IFT27: variants seen among roughly 807,000 people sequenced by gnomAD.
The protein encoded by IFT27 is intraflagellar transport protein 27 homolog.
Under a neutral mutation model 23.9 loss-of-function variants are expected in IFT27, and 19 were observed. That is an observed-to-expected ratio of 0.79 (90% CI 0.55 to 1.16). The LOEUF (loss-of-function observed/expected upper bound fraction) is 1.16. Among genes scored for constraint, IFT27 ranks in the 50% most tolerant of loss-of-function variants. The pLI is 0.00. For synonymous variants in IFT27, 91 were observed against 89.1 expected (o/e 1.02, Z -0.12); for missense variants, 206 against 228.7 (o/e 0.90, Z 0.64).
intron 1 of IFT27, chr22:36,772,400 A>G (rs4821522): frequency 0.79 from 500,802 of 635,796 alleles, 198,145 homozygotes; most frequent in East Asian, 0.92. Flanking sequence ...CACCTACCCC[A>G]CAGAATTGTT....
rs539071707 is a variant in IFT27, at chr22:36,758,378, T to C, written c.494A>G (p.His165Arg). The change falls in exon 7 of 7, where the codon CAC (histidine) becomes CGC (arginine). Residue 165 changes from histidine to arginine, a missense_variant. By Grantham distance (29) the His-to-Arg change is conservative (BLOSUM62 0). Transcript: ENST00000433985. ...CTGGTGGAACTGCTTGGCAAGGCAG[T>C]GGAAAGGGGCTTCGAAGTTTTCCAT... Reference protein sequence around the residue: ...KEMENFEAPFHCLAKQFHQLY... With the variant: ...KEMENFEAPFRCLAKQFHQLY... The C allele has an allele frequency of 8.7e-6, 14 of 1,614,006 alleles. No homozygotes were observed. The highest frequency in any genetic ancestry group is 1.1e-5 in the Non-Finnish European group (13 of 1,180,032).
chr22:36,775,469 G>A (rs1039023112), intron 1 of IFT27, among the ~76,000 whole-genome samples: 4 of 152,166 alleles, frequency 2.6e-5, no homozygotes, highest in African/African-American at 9.7e-5. Flanking sequence ...AGGGAGCAGG[G>A]GGAAATCCAC....
At chr22:36,770,838 CCA>C (rs1190175412) in intron 1 of IFT27, among the ~76,000 whole-genome samples, 6 of 152,182 alleles carry the variant, frequency 3.9e-5, no homozygotes, top group Non-Finnish European at 8.8e-5. Context: ...GCCCATCCTT[CCA>C]CAGTGTGCAG....
intron 6 of IFT27, 170 bp downstream of exon 6, chr22:36,762,734 C>A: frequency 4.7e-6 from 2 of 426,514 alleles, no homozygotes; most frequent in Non-Finnish European, 8.5e-6. Context: ...TATGTCTGAG[C>A]AGCTACTGCT....
intron 1 of IFT27, 98 bp from the exon 2 acceptor site, chr22:36,767,960 T>G: frequency 9.1e-7 from 1 of 1,094,988 alleles, no homozygotes; most frequent in Non-Finnish European, 1.4e-6. Flanking sequence ...AAAACTTCAA[T>G]GAGTTTTGAG....
chr22:36,773,382 T>C (rs963849208), intron 1 of IFT27, among the ~76,000 whole-genome samples: 1 of 150,622 alleles, frequency 6.6e-6, no homozygotes, highest in African/African-American at 2.4e-5. Flanking sequence ...CCGGGCACAG[T>C]GACTCACGCC....
intron 4 of IFT27, among the ~76,000 whole-genome samples, chr22:36,764,485 T>C (rs1045814989): frequency 2.6e-5 from 4 of 152,266 alleles, no homozygotes; most frequent in African/African-American, 9.6e-5. Flanking sequence ...CACCTGCAGC[T>C]GGCCTCATTC....
At chr22:36,773,049 T>G (rs911325519) in intron 1 of IFT27, among the ~76,000 whole-genome samples, 2 of 151,628 alleles carry the variant, frequency 1.3e-5, no homozygotes, top group African/African-American at 2.4e-5. Context: ...CCCAAGGGAG[T>G]TGGGGGTAAA....
intron 4 of IFT27, among the ~76,000 whole-genome samples, chr22:36,765,782 G>T (rs577421031): frequency 6.6e-6 from 1 of 152,216 alleles, no homozygotes; most frequent in Non-Finnish European, 1.5e-5. Flanking sequence ...ACTTCCCAGA[G>T]GGGGAGGAGG....
At chr22:36,766,070 G>T in intron 4 of IFT27, 68 bp downstream of exon 4, 1 of 1,236,160 alleles carries the variant, frequency 8.1e-7, no homozygotes, top group Non-Finnish European at 1.2e-6. Flanking sequence ...TGCTGTGTGA[G>T]CACTGTCAGG....
chr22:36,772,809 C>T, intron 1 of IFT27: 1 of 983,234 alleles, frequency 1.0e-6, no homozygotes, highest in Non-Finnish European at 1.2e-6. Context: ...TCAGTTTAAA[C>T]AGTAGGGCTG....
chr22:36,769,097 T>G (rs1938334747), intron 1 of IFT27, among the ~76,000 whole-genome samples: 1 of 152,248 alleles, frequency 6.6e-6, no homozygotes, highest in Non-Finnish European at 1.5e-5. Flanking sequence ...TCATTTTATG[T>G]GAACTCCTCC....
intron 2 of IFT27, 95 bp downstream of exon 2, chr22:36,767,688 C>A: frequency 8.6e-7 from 1 of 1,156,778 alleles, no homozygotes; most frequent in South Asian, 1.2e-5. Context: ...CATCAGCTGT[C>A]TTAAGGCTTC....
In IFT27 at chr22:36,758,309, C is replaced by T. The variant is rs756296702; in HGVS notation, c.*2G>A. The T allele has an allele frequency of 1.6e-5, 25 of 1,612,118 alleles. No homozygotes were observed. In the East Asian group the frequency reaches 3.8e-4, roughly 24 times the overall value. On this transcript the variant is annotated 3_prime_UTR_variant, in exon 7 of 7. Coordinates refer to ENST00000433985, the MANE Select transcript of IFT27 (RefSeq NM_001177701.3). ...TTGTGCAGCACGATCTGCTCCAGCTCGTCATGCCAGGGCCCGGAAAACCTC... is the reference window on the plus strand; with the variant it reads ...TTGTGCAGCACGATCTGCTCCAGCTTGTCATGCCAGGGCCCGGAAAACCTC...
chr22:36,759,493 C>G (rs551231323), intron 6 of IFT27: 1 of 152,226 alleles, frequency 6.6e-6, no homozygotes, highest in East Asian at 1.9e-4. Flanking sequence ...CAGGGACAGG[C>G]TGGAGGGCAA....
Position 36,775,973 on chromosome 22 carries a change from G to A in IFT27, c.-266C>T, listed in dbSNP as rs112886277. On this transcript the variant is annotated 5_prime_UTR_variant, in exon 1 of 7. Coordinates refer to ENST00000433985, the MANE Select transcript of IFT27 (RefSeq NM_001177701.3). ...GAGGCCTGACACGGCAGTCTGAAAA[G>A]GTGCAAGCGAGCGGACACGGCCTGT... The A allele has an allele frequency of 5.2e-5, 30 of 581,092 alleles. No homozygotes were observed. The highest frequency in any genetic ancestry group is 2.6e-4 in the African/African-American group (14 of 53,446). 36.0% of individuals were successfully genotyped at this position (581,092 alleles called of 1,614,324 possible).
At chr22:36,773,599 A>G (rs1324217920) in intron 1 of IFT27, among the ~76,000 whole-genome samples, 1 of 145,418 alleles carries the variant, frequency 6.9e-6, no homozygotes, top group Non-Finnish European at 1.5e-5. Context: ...GGTTGCAGTG[A>G]GCTGAGATTG....
chr22:36,758,447 A>G, intron 6 of IFT27, 38 bp from the exon 7 acceptor site: 1 of 1,509,182 alleles, frequency 6.6e-7, no homozygotes, highest in South Asian at 1.1e-5. Flanking sequence ...GTGTTCTTTT[A>G]GAAGGGTCAG....
chr22:36,764,541 T>C (rs370192902), intron 4 of IFT27, among the ~76,000 whole-genome samples: 40 of 152,382 alleles, frequency 2.6e-4, no homozygotes, highest in African/African-American at 8.2e-4. Context: ...ACCATGCAAG[T>C]TACATTTTTG....
Sources: allele counts gnomAD v4.1 joint callset (sites outside exome capture counted in the v4.1 genomes callset), GRCh38; gene constraint gnomAD v4.1.1; transcripts MANE v1.5; gene names NCBI Gene and HGNC (gene_info 2026-07-23, HGNC 2026-07-21).